The following CHLSN variants were observed in gnomAD, a reference collection of about 807,000 sequenced individuals.
The protein encoded by CHLSN is cholesin, also known as protein cholesin.
chr7:1,054,317 T>C, the CHLSN span, among the ~76,000 whole-genome samples: 3 of 152,234 alleles, frequency 2.0e-5, no homozygotes, highest in African/African-American at 7.2e-5. Flanking sequence ...TCATCATTGA[T>C]ACCTGGTGAA....
chr7:1,002,686 C>T, the CHLSN span, among the ~76,000 whole-genome samples: 25 of 37,986 alleles, frequency 6.6e-4, no homozygotes, highest in Admixed American at 1.8e-3. Context: ...TGGAGTCCTG[C>T]GGGTGAGTGG....
chr7:1,119,367 T>C, the CHLSN span, among the ~76,000 whole-genome samples: 1 of 152,216 alleles, frequency 6.6e-6, no homozygotes. Context: ...GGAGGCTTGC[T>C]TCTTAGATGT....
chr7:1,044,270 A>C, the CHLSN span, among the ~76,000 whole-genome samples: 1 of 152,252 alleles, frequency 6.6e-6, no homozygotes, highest in Non-Finnish European at 1.5e-5. Flanking sequence ...CTGTAAAAAG[A>C]AACCGCGCTG....
At chr7:1,016,136 CCAGCACACAG>C in the CHLSN span, among the ~76,000 whole-genome samples, 1 of 65,306 alleles carries the variant, frequency 1.5e-5, no homozygotes, top group Admixed American at 1.6e-4. Flanking sequence ...GCAGCACACG[CCAGCACACAG>C]CAGCACACGC....
the CHLSN span, among the ~76,000 whole-genome samples, chr7:1,046,151 C>T: frequency 2.6e-5 from 4 of 152,178 alleles, no homozygotes; most frequent in African/African-American, 4.8e-5. Flanking sequence ...AATTTACAGT[C>T]GGAAGAGGGA....
At chr7:1,053,470 C>A in the CHLSN span, among the ~76,000 whole-genome samples, 1 of 152,266 alleles carries the variant, frequency 6.6e-6, no homozygotes, top group African/African-American at 2.4e-5. Context: ...CACTGGCTCA[C>A]ATGACTCGCC....
chr7:990,348 G>C, the CHLSN span, among the ~76,000 whole-genome samples: 1 of 142,020 alleles, frequency 7.0e-6, no homozygotes. Flanking sequence ...TGCTGGGGGC[G>C]GTGTGGTCGG....
At chr7:1,137,125 C>T in the CHLSN span, among the ~76,000 whole-genome samples, 1 of 152,194 alleles carries the variant, frequency 6.6e-6, no homozygotes, top group Admixed American at 6.5e-5. Context: ...CCTGGCCCCT[C>T]CTCGCATCTC....
At chr7:996,353 G>C in the CHLSN span, among the ~76,000 whole-genome samples, 4 of 152,262 alleles carry the variant, frequency 2.6e-5, no homozygotes, top group Non-Finnish European at 5.9e-5. Context: ...AGCTCTGTTG[G>C]GGGGCGGGGC....
the CHLSN span, among the ~76,000 whole-genome samples, chr7:1,135,820 A>G: frequency 7.1e-6 from 1 of 141,158 alleles, no homozygotes; most frequent in African/African-American, 2.6e-5. Context: ...ATTTATATAA[A>G]ATAAATATAT....
the CHLSN span, among the ~76,000 whole-genome samples, chr7:1,002,288 A>G: frequency 7.8e-4 from 45 of 58,020 alleles, no homozygotes; most frequent in Middle Eastern, 0.026. Flanking sequence ...GGTGAGTGGA[A>G]TCCTGTGGGT....
At chr7:994,310 ACC>A in the CHLSN span, among the ~76,000 whole-genome samples, 1 of 151,848 alleles carries the variant, frequency 6.6e-6, no homozygotes, top group Non-Finnish European at 1.5e-5. Flanking sequence ...ACAGGCGCCC[ACC>A]ACCACACCCA....
At chr7:1,008,863 A>ACACG in the CHLSN span, among the ~76,000 whole-genome samples, 2 of 150,202 alleles carry the variant, frequency 1.3e-5, no homozygotes, top group Non-Finnish European at 3.0e-5. Flanking sequence ...AAACACACGC[A>ACACG]CACACGTGTA....
chr7:1,049,370 G>T, the CHLSN span, among the ~76,000 whole-genome samples: 1 of 152,228 alleles, frequency 6.6e-6, no homozygotes, highest in Non-Finnish European at 1.5e-5. Context: ...TGCTTCACAT[G>T]GGTTGGTTTA....
chr7:992,634 T>C, the CHLSN span, among the ~76,000 whole-genome samples: 1 of 152,156 alleles, frequency 6.6e-6, no homozygotes, highest in Middle Eastern at 3.2e-3. Flanking sequence ...CAGCCCCCAT[T>C]AGGAAACTTC....
the CHLSN span, among the ~76,000 whole-genome samples, chr7:1,003,973 G>C: frequency 7.1e-6 from 1 of 140,146 alleles, no homozygotes; most frequent in East Asian, 2.2e-4. Flanking sequence ...TCCTGTGGGT[G>C]AGTGGAGTCC....
At chr7:1,036,502 C>T in the CHLSN span, among the ~76,000 whole-genome samples, 2 of 150,426 alleles carry the variant, frequency 1.3e-5, no homozygotes, top group Non-Finnish European at 3.0e-5. Context: ...GTGTGGGGTT[C>T]GGGTGCTCGT....
the CHLSN span, among the ~76,000 whole-genome samples, chr7:1,124,199 A>C: frequency 6.6e-6 from 1 of 152,262 alleles, no homozygotes; most frequent in African/African-American, 2.4e-5. Flanking sequence ...ACTTGAACCT[A>C]AACAAAAGGA....
chr7:1,039,553 T>G, the CHLSN span, among the ~76,000 whole-genome samples: 9 of 31,142 alleles, frequency 2.9e-4, no homozygotes, highest in Admixed American at 1.5e-3. Context: ...GGTGGGGGGG[T>G]GTCAGCCCCC....
Sources: allele counts gnomAD v4.1 joint callset (sites outside exome capture counted in the v4.1 genomes callset), GRCh38; gene constraint gnomAD v4.1.1; transcripts MANE v1.5; gene names NCBI Gene and HGNC (gene_info 2026-07-23, HGNC 2026-07-21).